CEP250: variants seen among roughly 807,000 people sequenced by gnomAD.
CEP250 encodes centrosomal protein 250.
CEP250 carries 242 observed loss-of-function variants against 315.7 expected under a neutral mutation model. That is an observed-to-expected ratio of 0.77 (90% CI 0.69 to 0.85). The LOEUF is 0.85. CEP250 is among the 40% of genes least tolerant of loss of function. CEP250 has a pLI of 0.00. For missense variants in CEP250, 2,515 were observed against 2,886.4 expected (o/e 0.87, Z 2.95); for synonymous variants, 1,088 against 1,175.0 (o/e 0.93, Z 1.51).
intron 2 of CEP250, among the ~76,000 whole-genome samples, chr20:35,459,342 C>A (rs1773345158): frequency 6.6e-6 from 1 of 151,804 alleles, no homozygotes; most frequent in Non-Finnish European, 1.5e-5. Context: ...ATTACTAATA[C>A]CACCTTGCCA....
chr20:35,497,993 G>A lies in CEP250; in HGVS notation c.3581G>A (p.Gly1194Glu), dbSNP rs372516061. The change falls in exon 26 of 35, where the codon GGG becomes GAG. Residue 1194 changes from glycine to glutamate, a missense_variant. Transcript: ENST00000397527. ...TACTCTGCCCTGCAGCAGGCCCTGG[G>A]GTCTGTTTGTGAGAGCAGGCCTGAG... ...SLYSALQQAL[G>E]SVCESRPELS... 98 of 1,613,134 alleles carry A rather than the reference G, an allele frequency of 6.1e-5. No individual in the cohort carries two copies. The highest frequency in any genetic ancestry group is 7.4e-5 in the Non-Finnish European group (87 of 1,179,634).
At chr20:35,508,836 T>G in intron 32 of CEP250, 107 bp from the exon 33 acceptor site, 1 of 833,474 alleles carries the variant, frequency 1.2e-6, no homozygotes, top group Non-Finnish European at 1.9e-6. Flanking sequence ...CCATGGTTAC[T>G]GTCCCCTCAT....
At chr20:35,468,567 G>GC (rs1325076490) in intron 9 of CEP250, among the ~76,000 whole-genome samples, 1 of 152,072 alleles carries the variant, frequency 6.6e-6, no homozygotes, top group Non-Finnish European at 1.5e-5. Flanking sequence ...ATTTTGTTTT[G>GC]TTTTTGCTTT....
chr20:35,472,248 G>A, intron 11 of CEP250, 97 bp downstream of exon 11: 3 of 768,050 alleles, frequency 3.9e-6, no homozygotes, highest in Non-Finnish European at 6.9e-6. Context: ...AGTCTCTGAG[G>A]TTCGGGTGCT....
chr20:35,479,817 T>A, intron 19 of CEP250, 44 bp downstream of exon 19: 2 of 1,613,042 alleles, frequency 1.2e-6, no homozygotes, highest in African/African-American at 2.7e-5. Context: ...TCCATGGAGA[T>A]GTTGAAAGGC....
rs747393752 is a variant in CEP250, at chr20:35,512,597, C to T, written c.*971C>T. ...AGCCAATCAGAAGGATGGACTATGG[C>T]GGAACTTCTCACCCATGGACTGGTC... is the stretch of plus-strand genomic sequence containing the variant. On this transcript the variant is annotated 3_prime_UTR_variant, in exon 35 of 35. Coordinates refer to ENST00000397527, the MANE Select transcript of CEP250 (RefSeq NM_007186.6). 7 of 152,302 alleles carry T rather than the reference C, an allele frequency of 4.6e-5. No homozygotes were observed. Among genetic ancestry groups the T allele is most frequent in the Non-Finnish European group, 8.8e-5 (6 of 68,046 alleles). The allele number at this position is 152,302 out of a possible 1,614,324, so 9.4% of individuals were successfully genotyped here.
rs1174145670 is a variant in CEP250, at chr20:35,514,621, C to G, written c.*2995C>G. The G allele has an allele frequency of 6.6e-6, 1 of 152,526 alleles. No homozygotes were observed. The highest frequency in any genetic ancestry group is 6.5e-5 in the Admixed American group (1 of 15,308). 9.4% of individuals were successfully genotyped at this position (152,526 alleles called of 1,614,324 possible). Reference sequence around the variant, plus strand: ...CTTCCCACATGGGACTGCCAGCACCCTGAAGGCAGAAAAACTGAATGTACC... The same window carrying G: ...CTTCCCACATGGGACTGCCAGCACCGTGAAGGCAGAAAAACTGAATGTACC... On this transcript the variant is annotated 3_prime_UTR_variant, in exon 35 of 35. Coordinates refer to ENST00000397527, the MANE Select transcript of CEP250 (RefSeq NM_007186.6).
At chr20:35,507,908 T>C in intron 31 of CEP250, 57 bp downstream of exon 31, 1 of 1,596,954 alleles carries the variant, frequency 6.3e-7, no homozygotes, top group South Asian at 1.1e-5. Flanking sequence ...TGTCCAGGGG[T>C]TTGTCCCCTT....
rs1341298773 is a variant in CEP250 at position 35,466,073 on chromosome 20, C to T, written c.361C>T (p.Arg121Ter). The change falls in exon 7 of 35, where the codon CGA becomes TGA. Residue 121 changes from arginine (R) to a stop codon, truncating the protein, a stop_gained. Transcript: ENST00000397527. LOFTEE classifies it high-confidence loss of function. ...ESLAEVNTQL[R>*]LHMEKADVVN... The stretch of plus-strand genomic sequence containing the variant: ...TCTAGCAGAGGTGAACACCCAGCTT[C>T]GACTGCACATGGAAAAAGCTGACGT... The T allele has an allele frequency of 4.3e-6, 7 of 1,614,006 alleles. No individual in the cohort carries two copies. The highest frequency in any genetic ancestry group is 2.2e-5 in the East Asian group (1 of 44,898).
rs1213158690 is a variant in CEP250 at position 35,518,186 on chromosome 20, TA to T, written c.*6561del. ...ACTGGCTCACTTTATTCCTCTAAAA[TA>T]GTAACTTGTCTATGTGGTGCCATAA... is the stretch of plus-strand genomic sequence containing the variant. On this transcript the variant is annotated 3_prime_UTR_variant, in exon 35 of 35. Transcript: ENST00000397527. 6.6e-6 allele frequency: 1 copy of T among 150,520 alleles called. No homozygotes were observed. Among genetic ancestry groups the T allele is most frequent in the African/African-American group, 2.4e-5 (1 of 40,966 alleles). The allele number at this position is 150,520 out of a possible 1,614,324, so 9.3% of individuals were successfully genotyped here. A position where few individuals can be genotyped will look rare whatever the true frequency, so the allele number is the denominator to read the frequency against.
chr20:35,472,818 G>T lies in CEP250; in HGVS notation c.1196G>T (p.Arg399Leu), dbSNP rs773605537. Residue 399 changes from arginine to leucine, a missense_variant, in exon 12 of 35, where the codon CGC becomes CTC. Physicochemically the swap from Arg to Leu is moderately radical, Grantham distance 102 (BLOSUM62 -2). Transcript: ENST00000397527. The part of the protein sequence containing the change: ...TLVRSVLTRR[R>L]QAVQDLRQQL... ...GTGCGTTCAGTGCTGACTCGGAGAC[G>T]CCAGGCTGTGCAGGTAGGAACCCTC... 1 of 1,614,112 alleles carries T rather than the reference G, an allele frequency of 6.2e-7. No individual in the cohort carries two copies. The highest frequency in any genetic ancestry group is 8.5e-7 in the Non-Finnish European group (1 of 1,180,022).
intron 14 of CEP250, 37 bp from the exon 15 acceptor site, chr20:35,475,465 T>C (rs757579450): frequency 1.2e-6 from 2 of 1,608,544 alleles, no homozygotes; most frequent in Non-Finnish European, 1.7e-6. Flanking sequence ...GGCCCATCCC[T>C]AAGAGTTCCT....
chr20:35,476,340 A>G, intron 15 of CEP250, 109 bp from the exon 16 acceptor site: 1 of 956,768 alleles, frequency 1.0e-6, no homozygotes, highest in Non-Finnish European at 1.6e-6. Context: ...GAGGGAATGG[A>G]GTATTAACTG....
intron 34 of CEP250, 99 bp from the exon 35 acceptor site, chr20:35,511,264 A>C (rs224383): frequency 1 from 1,050,707 of 1,051,770 alleles, 524,835 homozygotes; most frequent in Middle Eastern, 1. Flanking sequence ...GATTCAGATG[A>C]TCAGCCAACG....
At chr20:35,479,615 A>G in intron 18 of CEP250, 31 bp from the exon 19 acceptor site, 1 of 1,612,540 alleles carries the variant, frequency 6.2e-7, no homozygotes, top group Non-Finnish European at 8.5e-7. Context: ...CTTGATGGGT[A>G]AGAAACTCTT....
At position 35,502,784 on chromosome 20, in the gene CEP250, T is replaced by C. The variant is rs773492333; in HGVS notation, c.4415T>C (p.Val1472Ala). The change falls in exon 30 of 35, where the codon GTA becomes GCA. Residue 1472 changes from valine to alanine, a missense_variant. Val to Ala is a moderately conservative substitution (Grantham distance 64). Coordinates refer to ENST00000397527, the MANE Select transcript of CEP250 (RefSeq NM_007186.6). ...SLDLKKRNQE[V>A]DLQQEQIQEL... ...GACCTGAAGAAGAGGAACCAAGAGG[T>C]AGATCTGCAGCAAGAACAGATTCAG... is the stretch of plus-strand genomic sequence containing the variant. The C allele has an allele frequency of 6.2e-7, 1 of 1,614,158 alleles. No homozygotes were observed. Among genetic ancestry groups the C allele is most frequent in the Non-Finnish European group, 8.5e-7 (1 of 1,180,024 alleles).
At chr20:35,478,233 G>A in intron 17 of CEP250, 132 bp downstream of exon 17, 1 of 669,904 alleles carries the variant, frequency 1.5e-6, no homozygotes, top group Non-Finnish European at 2.6e-6. Context: ...TTACTAGTTT[G>A]CAGTATATCT....
rs1164933575 is a variant in CEP250, at chr20:35,478,030, G to C, written c.2023G>C (p.Gly675Arg). ...TCAGCTGCAGAAAGCTGAGGAGGCT[G>C]GGGCTGAGCTGCAGGCAGATCTCAG... is the stretch of plus-strand genomic sequence containing the variant. The part of the protein sequence containing the change: ...EAQLQKAEEA[G>R]AELQADLRDI... The change falls in exon 17 of 35, where the codon GGG (glycine) becomes CGG (arginine). Residue 675 changes from glycine (G) to arginine (R), a missense_variant. Transcript: ENST00000397527. 1 of 1,614,024 alleles carries C rather than the reference G, an allele frequency of 6.2e-7. No individual in the cohort carries two copies. The highest frequency in any genetic ancestry group is 8.5e-7 in the Non-Finnish European group (1 of 1,180,028).
At chr20:35,470,353 G>A (rs2062994080) in intron 10 of CEP250, among the ~76,000 whole-genome samples, 1 of 152,176 alleles carries the variant, frequency 6.6e-6, no homozygotes, top group Admixed American at 6.5e-5. Context: ...TGAGGAGTAT[G>A]GCAATGTTTA....
Sources: gnomAD v4.1 joint callset for allele counts (sites outside exome capture counted in the v4.1 genomes callset) on GRCh38, gnomAD v4.1.1 for gene constraint, MANE v1.5 for transcripts, NCBI Gene and HGNC (gene_info 2026-07-23, HGNC 2026-07-21) for gene names.